The following PANK3 variants were observed in gnomAD, a reference collection of about 807,000 sequenced individuals.
PANK3 encodes the protein hPanK3.
In PANK3, 20 loss-of-function variants were observed where a neutral mutation model predicts 39.4. The ratio of observed to expected loss-of-function variants is 0.51; its 90% confidence interval spans 0.36 to 0.74. The LOEUF is 0.74. Among genes scored for constraint, PANK3 ranks in the 30% least tolerant of loss-of-function variants. The probability of loss-of-function intolerance (pLI) is 0.00; values close to 1 mark genes in which losing one functional copy is unlikely to be tolerated. For synonymous variants in PANK3, 140 were observed against 157.3 expected, an observed-to-expected ratio of 0.89 and a Z score of 0.82; for missense variants, 265 against 437.0, an observed-to-expected ratio of 0.61 and a Z score of 3.51.
intron 4 of PANK3, among the ~76,000 whole-genome samples, chr5:168,562,539 T>G (rs1172520468): frequency 6.6e-6 from 1 of 152,146 alleles, no homozygotes; most frequent in East Asian, 1.9e-4. Context: ...GACAAAGAAC[T>G]TGGGGTGCAC....
Position 168,568,629 on chromosome 5 carries a change from G to C in PANK3, c.381+17C>G, listed in dbSNP as rs780025307. On this transcript the variant is annotated intron_variant, in intron 2 of 6. Coordinates refer to ENST00000239231, the MANE Select transcript of PANK3 (RefSeq NM_024594.4). ...AAAACAGGTATCAATTTTCAGTTTT[G>C]AGTAAAAGATACCTACTGTGCGAAA... is the stretch of plus-strand genomic sequence containing the variant. 48 of 1,538,788 alleles carry C rather than the reference G, an allele frequency of 3.1e-5. No homozygotes were observed. The highest frequency in any genetic ancestry group is 3.5e-6 in the Non-Finnish European group (4 of 1,127,008).
intron 6 of PANK3, among the ~76,000 whole-genome samples, chr5:168,558,416 G>T (rs978384237): frequency 6.6e-6 from 1 of 151,796 alleles, no homozygotes; most frequent in African/African-American, 2.4e-5. Flanking sequence ...CGTCCGCCTT[G>T]GCCTCCCAAA....
intron 6 of PANK3, among the ~76,000 whole-genome samples, chr5:168,558,455 C>T (rs1052400974): frequency 5.9e-5 from 9 of 152,074 alleles, no homozygotes; most frequent in African/African-American, 2.2e-4. Flanking sequence ...TGAGCCACCG[C>T]ACCCGGCCAA....
rs988816187 is a variant in PANK3 at position 168,556,574 on chromosome 5, T to G, written c.*997A>C. 1.3e-5 allele frequency: 2 copies of G among 152,614 alleles called. No homozygotes were observed. The highest frequency in any genetic ancestry group is 4.8e-5 in the African/African-American group (2 of 41,440). The allele number at this position is 152,614 out of a possible 1,614,324, so 9.5% of individuals were successfully genotyped here. ...CACATGGCTATGGAGTGGGTTTTGT[T>G]GGAAAAAGTGACCGTCCTCTAACTG... On this transcript the variant is annotated 3_prime_UTR_variant, in exon 7 of 7. Transcript: ENST00000239231.
chr5:168,559,954 T>G (rs1051460657), intron 5 of PANK3, among the ~76,000 whole-genome samples: 6 of 152,326 alleles, frequency 3.9e-5, no homozygotes, highest in Admixed American at 3.9e-4. Flanking sequence ...TCTTAGATTA[T>G]CTCTATGATT....
intron 1 of PANK3, among the ~76,000 whole-genome samples, chr5:168,571,742 T>G (rs1223551915): frequency 6.6e-6 from 1 of 152,184 alleles, no homozygotes; most frequent in Non-Finnish European, 1.5e-5. Context: ...ATTTTATAAT[T>G]TACACATTTA....
At chr5:168,575,391 C>G (rs529777368) in intron 1 of PANK3, among the ~76,000 whole-genome samples, 9 of 152,330 alleles carry the variant, frequency 5.9e-5, no homozygotes, top group African/African-American at 2.2e-4. Context: ...CAAGAGCAGA[C>G]TGTTAATTTC....
In PANK3 at chr5:168,566,102, G is replaced by A; in HGVS notation, c.546C>T (p.Pro182=). Residue 182 remains proline, a synonymous_variant, in exon 3 of 7, where the codon CCC becomes CCT. Transcript: ENST00000239231. ...CAATGTTCACTACAAGCAGTGGATA[G>A]GGATCATCCAGGTTAAAAGGCATCT... The part of the protein sequence containing the change: ...CQKMPFNLDD[P]YPLLVVNIGS... 1 of 1,613,798 alleles carries A rather than the reference G, an allele frequency of 6.2e-7. No individual in the cohort carries two copies. Among genetic ancestry groups the A allele is most frequent in the Non-Finnish European group, 8.5e-7 (1 of 1,179,924 alleles).
chr5:168,557,668 G>C, intron 6 of PANK3, 47 bp from the exon 7 acceptor site: 1 of 1,469,806 alleles, frequency 6.8e-7, no homozygotes, highest in Non-Finnish European at 9.5e-7. Flanking sequence ...TTTTAAGTTA[G>C]CATATAATAT....
At position 168,568,621 on chromosome 5, in the gene PANK3, T is replaced by C. The variant is rs757936935; in HGVS notation, c.381+25A>G. On this transcript the variant is annotated intron_variant, in intron 2 of 6. Transcript: ENST00000239231. ...CATATTTAAAAACAGGTATCAATTTTCAGTTTTGAGTAAAAGATACCTACT... is the reference window on the plus strand; with the variant it reads ...CATATTTAAAAACAGGTATCAATTTCCAGTTTTGAGTAAAAGATACCTACT... 13 of 1,499,658 alleles carry C rather than the reference T, an allele frequency of 8.7e-6. No homozygotes were observed. In the East Asian group the frequency reaches 2.9e-4, roughly 34 times the overall value. 92.9% of individuals were successfully genotyped at this position (1,499,658 alleles called of 1,614,324 possible).
chr5:168,573,575 G>A (rs1214378714), intron 1 of PANK3, among the ~76,000 whole-genome samples: 2 of 151,706 alleles, frequency 1.3e-5, no homozygotes, highest in East Asian at 3.9e-4. Context: ...CAATGTGCAG[G>A]TTAGTTACAT....
chr5:168,574,362 GTTGT>G (rs1252805157), intron 1 of PANK3, among the ~76,000 whole-genome samples: 4 of 151,980 alleles, frequency 2.6e-5, no homozygotes, highest in South Asian at 2.1e-4. Flanking sequence ...TTTTGATGGG[GTTGT>G]TTGTTTTTTT....
At chr5:168,558,483 G>A (rs1303671735) in intron 6 of PANK3, among the ~76,000 whole-genome samples, 2 of 152,150 alleles carry the variant, frequency 1.3e-5, no homozygotes, top group African/African-American at 4.8e-5. Context: ...AAGCTTTTAA[G>A]AGCAGAATAA....
chr5:168,579,148 G>A (rs1759787032), intron 1 of PANK3, 108 bp downstream of exon 1: 1 of 1,040,724 alleles, frequency 9.6e-7, no homozygotes, highest in Non-Finnish European at 1.3e-6. Context: ...ACCGGACGAA[G>A]CGCCGGCGAG....
chr5:168,576,659 A>G (rs952156153), intron 1 of PANK3, among the ~76,000 whole-genome samples: 1 of 152,320 alleles, frequency 6.6e-6, no homozygotes, highest in Middle Eastern at 3.4e-3. Context: ...TTAGGTAAAT[A>G]ATGTGAAGCC....
intron 6 of PANK3, among the ~76,000 whole-genome samples, chr5:168,557,927 T>A (rs1056838565): frequency 1.3e-5 from 2 of 152,186 alleles, no homozygotes; most frequent in African/African-American, 4.8e-5. Context: ...CTTGAATAGC[T>A]GGGACTATAG....
At chr5:168,574,654 G>A (rs1046935592) in intron 1 of PANK3, among the ~76,000 whole-genome samples, 1 of 152,138 alleles carries the variant, frequency 6.6e-6, no homozygotes, top group Non-Finnish European at 1.5e-5. Flanking sequence ...CTGAGGTCGG[G>A]AGTTCGGACA....
In PANK3 at chr5:168,579,319, C is replaced by G; in HGVS notation, c.-36G>C. The G allele has an allele frequency of 6.9e-7, 1 of 1,456,788 alleles. No homozygotes were observed. The highest frequency in any genetic ancestry group is 9.1e-7 in the Non-Finnish European group (1 of 1,099,204). 90.2% of individuals were successfully genotyped at this position (1,456,788 alleles called of 1,614,324 possible). A position where few individuals can be genotyped will look rare whatever the true frequency, so the allele number is the denominator to read the frequency against. ...CGAGGGGCGATGGACGGCCTCCGAT[C>G]CGGGGCACTGAGAGCAGAGGCGGCG... is the stretch of plus-strand genomic sequence containing the variant. On this transcript the variant is annotated 5_prime_UTR_variant, in exon 1 of 7. Coordinates refer to ENST00000239231, the MANE Select transcript of PANK3 (RefSeq NM_024594.4).
chr5:168,560,794 CCAAA>C (rs1033976374), intron 5 of PANK3: 5 of 199,546 alleles, frequency 2.5e-5, no homozygotes, highest in Non-Finnish European at 3.6e-5. Context: ...ATATTCTCTT[CCAAA>C]CAAAGAATCC....
Sources: gnomAD v4.1 joint callset for allele counts (sites outside exome capture counted in the v4.1 genomes callset) on GRCh38, gnomAD v4.1.1 for gene constraint, MANE v1.5 for transcripts, NCBI Gene and HGNC (gene_info 2026-07-23, HGNC 2026-07-21) for gene names.